ZNF699: variants seen among roughly 807,000 people sequenced by gnomAD.
ZNF699 encodes the protein zinc finger protein 699, also known as hangover homolog.
Under a neutral mutation model 22.5 loss-of-function variants are expected in ZNF699, and 18 were observed. The observed-to-expected ratio is 0.80, with a 90% confidence interval of 0.55 to 1.19. ZNF699 has a LOEUF of 1.19. Among genes scored for constraint, ZNF699 ranks in the 50% most tolerant of loss-of-function variants. ZNF699 has a pLI of 0.00. For synonymous variants in ZNF699, 241 were observed against 262.3 expected (o/e 0.92, Z 0.78); for missense variants, 670 against 763.4 (o/e 0.88, Z 1.44).
chr19:9,306,665 C>T (rs1298159676), intron 1 of ZNF699, among the ~76,000 whole-genome samples: 2 of 152,140 alleles, frequency 1.3e-5, no homozygotes, highest in Non-Finnish European at 2.9e-5. Context: ...TTATTACAAC[C>T]AGTTTAGAAT....
chr19:9,293,065 A>G lies in ZNF699; in HGVS notation c.*2410T>C, dbSNP rs1244336986. On this transcript the variant is annotated 3_prime_UTR_variant, in exon 6 of 6. Coordinates refer to ENST00000591998, the MANE Select transcript of ZNF699 (RefSeq NM_198535.3). Reference sequence around the variant, plus strand: ...ACAGGAGAATCACTTGAACCCAGGAAGCGGAGATTGCAGTGAGCAAGATCA... The same window carrying G: ...ACAGGAGAATCACTTGAACCCAGGAGGCGGAGATTGCAGTGAGCAAGATCA... 6.6e-6 allele frequency among the ~76,000 whole-genome samples: 1 copy of G among 151,274 alleles called. No individual in the cohort carries two copies. Among genetic ancestry groups the G allele is most frequent in the Admixed American group, 6.6e-5 (1 of 15,148 alleles).
chr19:9,295,764 C>T lies in ZNF699; in HGVS notation c.1640G>A (p.Arg547Lys), dbSNP rs750683462. Residue 547 changes from arginine to lysine, a missense_variant, in exon 6 of 6, where the codon AGG becomes AAG. Coordinates refer to ENST00000591998, the MANE Select transcript of ZNF699 (RefSeq NM_198535.3). ...GKAFIYPSAL[R>K]IHMRTHTGEK... ...CCCAGTGTGCGTTCTCATGTGGATC[C>T]TAAGGGCTGAGGGATAAATAAAGGC... The T allele has an allele frequency of 8.1e-6, 13 of 1,613,296 alleles. No individual in the cohort carries two copies. The highest frequency in any genetic ancestry group is 1.1e-5 in the Non-Finnish European group (13 of 1,179,726).
At position 9,297,452 on chromosome 19, in the gene ZNF699, T is replaced by C; in HGVS notation, c.314A>G (p.Glu105Gly). Residue 105 changes from glutamate (E) to glycine (G), a missense_variant, in exon 5 of 6, where the codon GAA (glutamate) becomes GGA (glycine). Glu to Gly is a moderately conservative substitution (Grantham distance 98). Coordinates refer to ENST00000591998, the MANE Select transcript of ZNF699 (RefSeq NM_198535.3). This position sits in a 1 kb window ranked among gnomAD's most constrained non-coding sequence, Gnocchi z 4.3. ...ACAAATATCTTGTGAAGCAACTGAT[T>C]CATTAGTTTTAAGTTGAGTCTCAAA... ...EGFETQLKTN[E>G]SVASQDICGE... 3 of 1,582,014 alleles carry C rather than the reference T, an allele frequency of 1.9e-6. No individual in the cohort carries two copies. Among genetic ancestry groups the C allele is most frequent in the Non-Finnish European group, 2.6e-6 (3 of 1,172,464 alleles).
At chr19:9,305,355 C>T (rs770262432) in intron 1 of ZNF699, among the ~76,000 whole-genome samples, 1 of 152,044 alleles carries the variant, frequency 6.6e-6, no homozygotes, top group Non-Finnish European at 1.5e-5. Flanking sequence ...ACCTTACGTC[C>T]CCCTAGAGAT....
chr19:9,300,181 C>T (rs2066302098), intron 3 of ZNF699, among the ~76,000 whole-genome samples: 1 of 152,106 alleles, frequency 6.6e-6, no homozygotes, highest in South Asian at 2.1e-4. Context: ...CCCAGGTTCA[C>T]ACCATTCTCC....
rs781574708 is a variant in ZNF699, at chr19:9,295,596, C to T, written c.1808G>A (p.Arg603Gln). Residue 603 changes from arginine to glutamine, a missense_variant, in exon 6 of 6, where the codon CGA (arginine) becomes CAA (glutamine). Coordinates refer to ENST00000591998, the MANE Select transcript of ZNF699 (RefSeq NM_198535.3). ...TCCAGTGTGGCTTCTCACATGCCTT[C>T]GAAAGGATGAGGGACAACTGAAAGC... ...GKAFSCPSSFRRHVRSHTGEK... is the reference protein window; with the variant it reads ...GKAFSCPSSFQRHVRSHTGEK... The T allele has an allele frequency of 2.5e-5, 40 of 1,610,124 alleles. No homozygotes were observed. The highest frequency in any genetic ancestry group is 1.2e-4 in the Admixed American group (7 of 59,336).
chr19:9,297,638 T>C lies in ZNF699; in HGVS notation c.287-159A>G, dbSNP rs1462163384. On this transcript the variant is annotated intron_variant, in intron 4 of 5. Coordinates refer to ENST00000591998, the MANE Select transcript of ZNF699 (RefSeq NM_198535.3). The surrounding 1 kb of genome is among the most constrained non-coding windows in gnomAD (Gnocchi z 4.3). ...GAAACTAACATAACTAATATAGTAT[T>C]AGGAGAACAAAACAGAAATTGGATA... 6.6e-6 allele frequency among the ~76,000 whole-genome samples: 1 copy of C among 152,108 alleles called. No individual in the cohort carries two copies. The highest frequency in any genetic ancestry group is 1.5e-5 in the Non-Finnish European group (1 of 68,032).
chr19:9,296,730 C>G lies in ZNF699; in HGVS notation c.674G>C (p.Cys225Ser). The G allele has an allele frequency of 6.2e-7, 1 of 1,614,140 alleles. No individual in the cohort carries two copies. The highest frequency in any genetic ancestry group is 8.5e-7 in the Non-Finnish European group (1 of 1,180,028). Reference protein sequence around the residue: ...RSHTGSKPYQCKECGKAFHFL... With the variant: ...RSHTGSKPYQSKECGKAFHFL... ...ATGGAAGGCCTTCCCACATTCCTTGCACTGATAGGGTTTGCTTCCAGTATG... is the reference window on the plus strand; with the variant it reads ...ATGGAAGGCCTTCCCACATTCCTTGGACTGATAGGGTTTGCTTCCAGTATG... Residue 225 changes from cysteine (C) to serine (S), a missense_variant, in exon 6 of 6, where the codon TGC (cysteine) becomes TCC (serine). By Grantham distance (112) the Cys-to-Ser change is moderately radical. Transcript: ENST00000591998.
rs77467471 is a variant in ZNF699 at position 9,304,486 on chromosome 19, A to C, written c.48+586T>G. ...GTCATACTTTCTTGTATTCTAGGCC[A>C]GTGGTCAGCAAACTATGGCACATGG... On this transcript the variant is annotated intron_variant, in intron 2 of 5. Coordinates refer to ENST00000591998, the MANE Select transcript of ZNF699 (RefSeq NM_198535.3). 2.8e-3 allele frequency among the ~76,000 whole-genome samples: 421 copies of C among 152,310 alleles called. 3 individuals carry two copies. Among genetic ancestry groups the C allele is most frequent in the African/African-American group, 9.6e-3 (399 of 41,568 alleles).
In ZNF699 at chr19:9,297,228, A is replaced by T; in HGVS notation, c.470+68T>A. 6.9e-7 allele frequency: 1 copy of T among 1,455,486 alleles called. No homozygotes were observed. The highest frequency in any genetic ancestry group is 9.3e-7 in the Non-Finnish European group (1 of 1,078,382). The allele number at this position is 1,455,486 out of a possible 1,614,324, so 90.2% of individuals were successfully genotyped here. On this transcript the variant is annotated intron_variant, in intron 5 of 5. Coordinates refer to ENST00000591998, the MANE Select transcript of ZNF699 (RefSeq NM_198535.3). The surrounding 1 kb of genome is among the most constrained non-coding windows in gnomAD (Gnocchi z 4.3). ...GCTTATTTATATATACATATTTCTTAAATTTCATGACTTTAATTTTAAGAT... is the reference window on the plus strand; with the variant it reads ...GCTTATTTATATATACATATTTCTTTAATTTCATGACTTTAATTTTAAGAT...
At chr19:9,307,210 AAAAT>A (rs1488256321) in intron 1 of ZNF699, among the ~76,000 whole-genome samples, 1 of 152,162 alleles carries the variant, frequency 6.6e-6, no homozygotes, top group Non-Finnish European at 1.5e-5. Flanking sequence ...CAAAATAAAT[AAAAT>A]AAATAAATAA....
Position 9,292,837 on chromosome 19 carries a change from T to A in ZNF699, c.*2638A>T, listed in dbSNP as rs199911591. On this transcript the variant is annotated 3_prime_UTR_variant, in exon 6 of 6. Coordinates refer to ENST00000591998, the MANE Select transcript of ZNF699 (RefSeq NM_198535.3). Reference sequence around the variant, plus strand: ...AAACCTTTCAATTTTTTTTTTTTTTTAAAAAGGAACCATAAGTCTGGGTGC... The same window carrying A: ...AAACCTTTCAATTTTTTTTTTTTTTAAAAAAGGAACCATAAGTCTGGGTGC... Among the ~76,000 whole-genome samples the A allele has an allele frequency of 4.5e-3, 615 of 136,116 alleles. 5 individuals carry two copies. Among genetic ancestry groups the A allele is most frequent in the African/African-American group, 0.015 (566 of 38,634 alleles). 89.3% of individuals were successfully genotyped at this position (136,116 alleles called of 152,430 possible).
intron 1 of ZNF699, 62 bp from the exon 2 acceptor site, chr19:9,305,186 G>T: frequency 6.9e-7 from 1 of 1,455,192 alleles, no homozygotes. Flanking sequence ...TGAGAATCCA[G>T]ACCTCCCCAA....
intron 3 of ZNF699, among the ~76,000 whole-genome samples, chr19:9,298,511 T>C (rs1271125268): frequency 6.6e-6 from 1 of 151,918 alleles, no homozygotes; most frequent in Non-Finnish European, 1.5e-5. Flanking sequence ...TGATCTAATG[T>C]TCACACCTAA....
In ZNF699 at chr19:9,296,589, A is replaced by G. The variant is rs1241341849; in HGVS notation, c.815T>C (p.Ile272Thr). 2 of 1,614,058 alleles carry G rather than the reference A, an allele frequency of 1.2e-6. No homozygotes were observed. Among genetic ancestry groups the G allele is most frequent in the Admixed American group, 3.3e-5 (2 of 60,012 alleles). Residue 272 changes from isoleucine (I) to threonine (T), a missense_variant, in exon 6 of 6, where the codon ATT becomes ACT. Coordinates refer to ENST00000591998, the MANE Select transcript of ZNF699 (RefSeq NM_198535.3). ...CSSFFRAHMKIHIGKTNYECK... is the reference protein window; with the variant it reads ...CSSFFRAHMKTHIGKTNYECK... The stretch of plus-strand genomic sequence containing the variant: ...TTCATAGTTTGTCTTTCCGATGTGA[A>G]TCTTCATATGTGCCCTAAAGAATGA...
rs1185174590 is a variant in ZNF699 at position 9,291,902 on chromosome 19, A to T, written c.*3573T>A. The T allele has an allele frequency of 1.3e-5, 2 of 152,096 alleles. No homozygotes were observed. The highest frequency in any genetic ancestry group is 2.9e-5 in the Non-Finnish European group (2 of 68,078). 9.4% of individuals were successfully genotyped at this position (152,096 alleles called of 1,614,324 possible). A position where few individuals can be genotyped will look rare whatever the true frequency, so the allele number is the denominator to read the frequency against. Reference sequence around the variant, plus strand: ...TTTTTAGTACAGACAGGGTTTCACCATGTTGGCCAGGCTGGTCTTAAACTC... The same window carrying T: ...TTTTTAGTACAGACAGGGTTTCACCTTGTTGGCCAGGCTGGTCTTAAACTC... On this transcript the variant is annotated 3_prime_UTR_variant, in exon 6 of 6. Transcript: ENST00000591998.
intron 1 of ZNF699, among the ~76,000 whole-genome samples, chr19:9,305,330 T>C (rs1229617596): frequency 6.6e-6 from 1 of 151,226 alleles, no homozygotes; most frequent in Non-Finnish European, 1.5e-5. Flanking sequence ...CCTGCTCTTG[T>C]GGGAAAGTGG....
chr19:9,297,740 G>A lies in ZNF699; in HGVS notation c.286+140C>T. ...TGCCAAGAACAAGGAAAATGCGAGA[G>A]GACTGATAAAAAGTCAAAATAGTCA... On this transcript the variant is annotated intron_variant, in intron 4 of 5. Coordinates refer to ENST00000591998, the MANE Select transcript of ZNF699 (RefSeq NM_198535.3). This position sits in a 1 kb window ranked among gnomAD's most constrained non-coding sequence, Gnocchi z 4.3. The A allele has an allele frequency of 1.5e-6, 1 of 670,638 alleles. No homozygotes were observed. The highest frequency in any genetic ancestry group is 2.0e-5 in the South Asian group (1 of 50,504). The allele number at this position is 670,638 out of a possible 1,614,324, so 41.5% of individuals were successfully genotyped here. A position where few individuals can be genotyped will look rare whatever the true frequency, so the allele number is the denominator to read the frequency against.
In ZNF699 at chr19:9,297,912, A is replaced by G. The variant is rs200453625; in HGVS notation, c.254T>C (p.Ile85Thr). 5.0e-6 allele frequency: 8 copies of G among 1,613,736 alleles called. No individual in the cohort carries two copies. The Admixed American group carries it at 6.7e-5, about 13-fold the overall frequency. ...EDLQTVKREL[I>T]QGIFMGEHRE... The stretch of plus-strand genomic sequence containing the variant: ...GTGCTCTCCCATAAAGATGCCCTGG[A>G]TAAGTTCTCTCTTCACTGTCTGCAG... The change falls in exon 4 of 6, where the codon ATC becomes ACC. Residue 85 changes from isoleucine (I) to threonine (T), a missense_variant. Ile to Thr is a moderately conservative substitution (Grantham distance 89). Coordinates refer to ENST00000591998, the MANE Select transcript of ZNF699 (RefSeq NM_198535.3). This position sits in a 1 kb window ranked among gnomAD's most constrained non-coding sequence, Gnocchi z 4.3.
Sources: allele counts gnomAD v4.1 joint callset (sites outside exome capture counted in the v4.1 genomes callset), GRCh38; gene constraint gnomAD v4.1.1; non-coding constraint Gnocchi (gnomAD v3.1); transcripts MANE v1.5; gene names NCBI Gene and HGNC (gene_info 2026-07-23, HGNC 2026-07-21).